Variants in TLE4 observed in about 807,000 individuals in gnomAD.
TLE4 encodes transducin-like enhancer protein 4.
A neutral mutation model predicts 92.8 loss-of-function variants in TLE4; 8 were observed. The observed-to-expected ratio is 0.09, with a 90% CI of 0.05 to 0.16. The LOEUF (loss-of-function observed/expected upper bound fraction) is 0.16, where lower values mean the gene tolerates loss of function less well. TLE4 is among the 10% of genes least tolerant of loss of function. The pLI is 1.00. For synonymous variants in TLE4, 371 were observed against 374.1 expected (o/e 0.99, Z 0.10); for missense variants, 675 against 997.6 (o/e 0.68, Z 4.36).
intron 4 of TLE4, among the ~76,000 whole-genome samples, chr9:79,602,310 C>T (rs1236613100): frequency 2.0e-5 from 3 of 152,316 alleles, no homozygotes; most frequent in East Asian, 3.9e-4. Context: ...GTGGATAAGA[C>T]AGCCTTCTAT....
In TLE4 at chr9:79,708,623, C is replaced by A. The variant is rs769724334; in HGVS notation, c.1100C>A (p.Pro367His). ...AGCCTAAGGACCCCAATGGCAGTAC[C>A]TTGTCCATATCCAACTCCATTTGGG... ...ASSLRTPMAVPCPYPTPFGIV... is the reference protein window; with the variant it reads ...ASSLRTPMAVHCPYPTPFGIV... Residue 367 changes from proline to histidine, a missense_variant, in exon 13 of 20, where the codon CCT becomes CAT. Pro to His is a moderately conservative substitution (Grantham distance 77, BLOSUM62 -2). Coordinates refer to ENST00000376552, the MANE Select transcript of TLE4 (RefSeq NM_007005.6). 3.1e-6 allele frequency: 5 copies of A among 1,613,984 alleles called. No homozygotes were observed. The African/African-American group carries it at 5.3e-5, about 17-fold the overall frequency.
Position 79,720,216 on chromosome 9 carries a change from C to G in TLE4, c.1761C>G (p.Pro587=). 3 of 1,614,186 alleles carry G rather than the reference C, an allele frequency of 1.9e-6. No homozygotes were observed. The highest frequency in any genetic ancestry group is 2.2e-5 in the East Asian group (1 of 44,876). Reference sequence around the variant, plus strand: ...CCTGCTATGCCCTGGCCATCAGCCCCGATTCCAAGGTCTGCTTCTCATGCT... The same window carrying G: ...CCTGCTATGCCCTGGCCATCAGCCCGGATTCCAAGGTCTGCTTCTCATGCT... ...APACYALAIS[P]DSKVCFSCCS... is the part of the protein sequence containing the mutation. Residue 587 remains proline, a synonymous_variant, in exon 16 of 20, where the codon CCC becomes CCG. Transcript: ENST00000376552.
intron 6 of TLE4, among the ~76,000 whole-genome samples, chr9:79,647,411 C>T (rs889012603): frequency 6.6e-6 from 1 of 151,824 alleles, no homozygotes; most frequent in Non-Finnish European, 1.5e-5. Flanking sequence ...ATTAAAAGAC[C>T]GACAATAAAA....
chr9:79,718,559 A>G (rs1029579162), intron 14 of TLE4, among the ~76,000 whole-genome samples, 163 bp from the exon 15 acceptor site: 15 of 152,212 alleles, frequency 9.9e-5, no homozygotes, highest in African/African-American at 3.6e-4. Context: ...GCCTAGCTGT[A>G]TGATTCTGGA....
At chr9:79,640,176 G>A (rs2056841433) in intron 6 of TLE4, among the ~76,000 whole-genome samples, 1 of 152,120 alleles carries the variant, frequency 6.6e-6, no homozygotes, top group Admixed American at 6.5e-5. Context: ...GCAGAAGAGA[G>A]AAGGAATGGC....
At chr9:79,669,982 G>A (rs970510513) in intron 8 of TLE4, among the ~76,000 whole-genome samples, 1 of 152,086 alleles carries the variant, frequency 6.6e-6, no homozygotes. Context: ...TGGTCAAATG[G>A]TAAAGGCCTA....
chr9:79,587,089 A>G (rs572992059), intron 4 of TLE4, among the ~76,000 whole-genome samples: 33 of 152,356 alleles, frequency 2.2e-4, no homozygotes, highest in Admixed American at 5.2e-4. Context: ...TTACAGAAGA[A>G]TATGTTTTGT....
At chr9:79,699,502 C>G (rs922367545) in intron 8 of TLE4, among the ~76,000 whole-genome samples, 1 of 152,178 alleles carries the variant, frequency 6.6e-6, no homozygotes, top group Non-Finnish European at 1.5e-5. Flanking sequence ...CCAGGACTTG[C>G]AATTACCCTT....
In TLE4 at chr9:79,708,747, C is replaced by T. The variant is rs770721990; in HGVS notation, c.1224C>T (p.Ala408=). The T allele has an allele frequency of 1.3e-5, 21 of 1,608,624 alleles. No individual in the cohort carries two copies. Among genetic ancestry groups the T allele is most frequent in the Admixed American group, 8.3e-5 (5 of 59,994 alleles). ...NISPQMSAAA[A]AAAAAAAYGR... ...CCCCTCAGATGAGCGCAGCTGCTGC[C>T]GCCGCCGCTGCTGCTGCTGCCTATG... Residue 408 remains alanine, a synonymous_variant, in exon 13 of 20, where the codon GCC becomes GCT. Transcript: ENST00000376552.
chr9:79,630,797 G>A (rs2133659103), intron 6 of TLE4, among the ~76,000 whole-genome samples: 1 of 152,178 alleles, frequency 6.6e-6, no homozygotes, highest in South Asian at 2.1e-4. Context: ...GTGTGAATGT[G>A]GTTATGCTTA....
intron 4 of TLE4, among the ~76,000 whole-genome samples, chr9:79,581,607 C>T (rs754835784): frequency 1.6e-4 from 25 of 152,330 alleles, no homozygotes; most frequent in Non-Finnish European, 3.4e-4. Context: ...CGTTAGTTCT[C>T]ATAATGATCC....
At chr9:79,695,349 TCTCACACACA>T (rs895409126) in intron 8 of TLE4, among the ~76,000 whole-genome samples, 2 of 41,084 alleles carry the variant, frequency 4.9e-5, no homozygotes, top group African/African-American at 1.2e-4. Flanking sequence ...CAAATGCATA[TCTCACACACA>T]CACACACACA....
At chr9:79,721,586 C>A (rs1460258623) in intron 16 of TLE4, among the ~76,000 whole-genome samples, 155 bp from the exon 17 acceptor site, 1 of 152,142 alleles carries the variant, frequency 6.6e-6, no homozygotes, top group Non-Finnish European at 1.5e-5. Flanking sequence ...TTTGTATATG[C>A]TTTGTTATTA....
intron 6 of TLE4, chr9:79,627,657 C>T (rs2052971977): frequency 5.1e-6 from 3 of 583,224 alleles, no homozygotes; most frequent in Non-Finnish European, 9.3e-6. Flanking sequence ...TGGATGTGTT[C>T]ATGAAAACTC....
At chr9:79,658,925 TGAGAA>T (rs2060139587) in intron 8 of TLE4, among the ~76,000 whole-genome samples, 1 of 152,154 alleles carries the variant, frequency 6.6e-6, no homozygotes, top group Non-Finnish European at 1.5e-5. Context: ...ATCAGCAATC[TGAGAA>T]GAGAAGTTGT....
intron 5 of TLE4, 74 bp downstream of exon 5, chr9:79,612,792 C>A: frequency 1.6e-6 from 2 of 1,257,468 alleles, no homozygotes; most frequent in Non-Finnish European, 2.3e-6. Context: ...GATTGTAGAA[C>A]TGACTCTCTG....
chr9:79,622,398 C>T (rs1230140625), intron 5 of TLE4, among the ~76,000 whole-genome samples: 1 of 152,188 alleles, frequency 6.6e-6, no homozygotes, highest in Non-Finnish European at 1.5e-5. Context: ...ACCCAGTTCT[C>T]TTCCCTTTGC....
intron 5 of TLE4, among the ~76,000 whole-genome samples, chr9:79,623,106 C>G (rs562225919): frequency 2.3e-4 from 35 of 151,958 alleles, no homozygotes; most frequent in African/African-American, 8.2e-4. Flanking sequence ...TATACTGAAC[C>G]TACAGGTACC....
chr9:79,578,744 G>C (rs916806513), intron 4 of TLE4, among the ~76,000 whole-genome samples: 1 of 151,790 alleles, frequency 6.6e-6, no homozygotes, highest in African/African-American at 2.4e-5. Context: ...GCATAATGTT[G>C]CCAATTTTTA....
Sources: gnomAD v4.1 joint callset for allele counts (sites outside exome capture counted in the v4.1 genomes callset) on GRCh38, gnomAD v4.1.1 for gene constraint, MANE v1.5 for transcripts, NCBI Gene and HGNC (gene_info 2026-07-23, HGNC 2026-07-21) for gene names.